Variants in ZNG1F observed in about 807,000 individuals in gnomAD.
ZNG1F encodes Zn regulated GTPase metalloprotein activator 1F.
the ZNG1F span, among the ~76,000 whole-genome samples, chr9:41,147,805 A>G: frequency 7.0e-6 from 1 of 143,122 alleles, no homozygotes; most frequent in African/African-American, 2.7e-5. Context: ...AATTAAAAAT[A>G]CAGTTCTAAT....
At chr9:41,174,273 A>AAAAAAAAT in the ZNG1F span, 1 of 1,537,028 alleles carries the variant, frequency 6.5e-7, no homozygotes, top group Non-Finnish European at 8.8e-7. Context: ...AAGATAAAAG[A>AAAAAAAAT]AAACTGTTTT....
chr9:41,182,986 C>G, the ZNG1F span, among the ~76,000 whole-genome samples: 1 of 35,694 alleles, frequency 2.8e-5, no homozygotes, highest in East Asian at 8.4e-4. Flanking sequence ...CTTGCCAAAA[C>G]ATTTGACACA....
the ZNG1F span, among the ~76,000 whole-genome samples, chr9:41,141,285 T>C: frequency 6.6e-5 from 10 of 150,660 alleles, no homozygotes; most frequent in Non-Finnish European, 1.5e-4. Flanking sequence ...AATAATAAAC[T>C]AAACATTATT....
the ZNG1F span, chr9:41,164,661 C>G: frequency 1.4e-4 from 17 of 118,926 alleles, no homozygotes; most frequent in Middle Eastern, 2.2e-3. Context: ...CAGGAACTGA[C>G]AGGATGCATC....
the ZNG1F span, among the ~76,000 whole-genome samples, chr9:41,166,234 CTAAAATAAAA>C: frequency 8.0e-6 from 1 of 124,560 alleles, no homozygotes; most frequent in Admixed American, 8.5e-5. Flanking sequence ...CCCATCTCTA[CTAAAATAAAA>C]TAAAATAAAA....
At chr9:41,185,685 T>C in the ZNG1F span, among the ~76,000 whole-genome samples, 2 of 151,356 alleles carry the variant, frequency 1.3e-5, no homozygotes, top group African/African-American at 2.4e-5. Flanking sequence ...AAAAATAAAA[T>C]AAAATAAAAA....
At chr9:41,151,683 TGG>T in the ZNG1F span, among the ~76,000 whole-genome samples, 1 of 148,694 alleles carries the variant, frequency 6.7e-6, no homozygotes, top group Non-Finnish European at 1.5e-5. Context: ...CAGAAGAGAG[TGG>T]GGGCCAATAT....
chr9:41,185,661 G>T, the ZNG1F span, among the ~76,000 whole-genome samples: 1 of 151,904 alleles, frequency 6.6e-6, no homozygotes, highest in East Asian at 1.9e-4. Flanking sequence ...AACAGAGAGA[G>T]ACTCCATCTC....
At chr9:41,195,982 G>A in the ZNG1F span, among the ~76,000 whole-genome samples, 1 of 43,298 alleles carries the variant, frequency 2.3e-5, no homozygotes, top group Non-Finnish European at 6.2e-5. Context: ...TTCCCTCGAA[G>A]AGTGTTTAAT....
the ZNG1F span, among the ~76,000 whole-genome samples, chr9:41,202,009 A>G: frequency 1.2e-5 from 1 of 85,356 alleles, no homozygotes; most frequent in African/African-American, 3.8e-5. Context: ...GTTAAGGGTT[A>G]CATTCCTGGG....
the ZNG1F span, chr9:41,165,027 A>T: frequency 6.3e-7 from 1 of 1,588,072 alleles, no homozygotes; most frequent in South Asian, 1.1e-5. Flanking sequence ...ATTTCTTTAC[A>T]TCTTCTTCTG....
At chr9:41,173,864 A>C in the ZNG1F span, among the ~76,000 whole-genome samples, 1 of 148,640 alleles carries the variant, frequency 6.7e-6, no homozygotes, top group Non-Finnish European at 1.5e-5. Context: ...AAGAACAACA[A>C]TGCAAGGAAT....
chr9:41,138,573 C>A, the ZNG1F span, among the ~76,000 whole-genome samples: 3 of 23,234 alleles, frequency 1.3e-4, 1 homozygote, highest in Middle Eastern at 0.022. Flanking sequence ...GTTTAACAAA[C>A]GTTTAGATTT....
the ZNG1F span, among the ~76,000 whole-genome samples, chr9:41,190,971 C>CA: frequency 1.6e-5 from 2 of 128,822 alleles, no homozygotes; most frequent in Non-Finnish European, 3.3e-5. Context: ...TATATTTGTG[C>CA]AAATGAGTAT....
the ZNG1F span, among the ~76,000 whole-genome samples, chr9:41,199,909 T>G: frequency 6.9e-6 from 1 of 145,042 alleles, no homozygotes; most frequent in Non-Finnish European, 1.5e-5. Context: ...CATTCATGGC[T>G]GGGATGCAGG....
chr9:41,139,581 G>A, the ZNG1F span, among the ~76,000 whole-genome samples: 2 of 150,622 alleles, frequency 1.3e-5, no homozygotes, highest in South Asian at 4.2e-4. Context: ...ACTAGTAATA[G>A]GAAAAGCGGA....
chr9:41,150,440 G>A, the ZNG1F span, among the ~76,000 whole-genome samples: 1 of 132,202 alleles, frequency 7.6e-6, no homozygotes, highest in East Asian at 2.4e-4. Flanking sequence ...AAACAAAGCA[G>A]CCAGGAAGCT....
At chr9:41,173,996 C>T in the ZNG1F span, among the ~76,000 whole-genome samples, 12 of 148,874 alleles carry the variant, frequency 8.1e-5, 1 homozygote, top group Non-Finnish European at 1.0e-4. Flanking sequence ...CCAAGGCTGG[C>T]GGATCACCTG....
the ZNG1F span, chr9:41,157,800 G>C: frequency 2.0e-5 from 3 of 150,922 alleles, no homozygotes; most frequent in Admixed American, 1.3e-4. Flanking sequence ...CTTGGCAAAA[G>C]AGAGACAAAT....
Sources: allele counts gnomAD v4.1 joint callset (sites outside exome capture counted in the v4.1 genomes callset), GRCh38; gene constraint gnomAD v4.1.1; transcripts MANE v1.5; gene names NCBI Gene and HGNC (gene_info 2026-07-23, HGNC 2026-07-21).